Variants in KAT2A observed in about 807,000 individuals in gnomAD.
KAT2A encodes histone acetyltransferase KAT2A.
Under a neutral mutation model 95.2 loss-of-function variants are expected in KAT2A, and 42 were observed. That is an observed-to-expected ratio of 0.44 (90% CI 0.34 to 0.57). The LOEUF (loss-of-function observed/expected upper bound fraction) is 0.57, where lower values mean the gene tolerates loss of function less well. Among genes scored for constraint, KAT2A ranks in the 20% least tolerant of loss-of-function variants. KAT2A has a pLI of 0.01. For missense variants in KAT2A, 784 were observed against 1,126.3 expected (o/e 0.70, Z 4.35); for synonymous variants, 449 against 448.2 (o/e 1.00, Z -0.02).
chr17:42,114,527 G>A lies in KAT2A; in HGVS notation c.2097C>T (p.Gly699=), dbSNP rs782247027. The change falls in exon 14 of 18, where the codon GGC becomes GGT. Residue 699 remains glycine, a synonymous_variant. Transcript: ENST00000225916. The surrounding 1 kb of genome is among the most constrained non-coding windows in gnomAD (Gnocchi z 6.0). Reference sequence around the variant, plus strand: ...CGCTCTCCACAGGGATCTGCCTCACGCCCTCCTTGAAGCAGCTGAGCCCCG... The same window carrying A: ...CGCTCTCCACAGGGATCTGCCTCACACCCTCCTTGAAGCAGCTGAGCCCCG... ...VYPGLSCFKE[G]VRQIPVESVP... is the part of the protein sequence containing the mutation. The A allele has an allele frequency of 2.4e-5, 38 of 1,613,928 alleles. No individual in the cohort carries two copies. The East Asian group carries it at 4.5e-4, about 19-fold the overall frequency.
chr17:42,113,949 C>G, intron 17 of KAT2A, 51 bp downstream of exon 17: 1 of 1,482,908 alleles, frequency 6.7e-7, no homozygotes, highest in Non-Finnish European at 9.0e-7. Context: ...AGGGCAGGAG[C>G]AGGTGTGGGG....
chr17:42,119,831 C>G lies in KAT2A; in HGVS notation c.700-113G>C, dbSNP rs1053415822. The G allele has an allele frequency of 3.8e-6, 4 of 1,043,392 alleles. No homozygotes were observed. Among genetic ancestry groups the G allele is most frequent in the Admixed American group, 2.7e-5 (1 of 37,682 alleles). The allele number at this position is 1,043,392 out of a possible 1,614,324, so 64.6% of individuals were successfully genotyped here. A position where few individuals can be genotyped will look rare whatever the true frequency, so the allele number is the denominator to read the frequency against. On this transcript the variant is annotated intron_variant, in intron 4 of 17. Transcript: ENST00000225916. This position sits in a 1 kb window ranked among gnomAD's most constrained non-coding sequence, Gnocchi z 5.3. ...CCAGGGACAAGGTTCTCCTTCTCCT[C>G]TCTCTCTCGGGTGCTCTCTATAGAA...
chr17:42,114,482 C>G lies in KAT2A; in HGVS notation c.2134+8G>C. On this transcript the variant is annotated splice_region_variant and intron_variant, in intron 14 of 17. Transcript: ENST00000225916. The surrounding 1 kb of genome is among the most constrained non-coding windows in gnomAD (Gnocchi z 6.0). ...CCCCACTACCCTGCAACTGAGACCCCTGCTTACGAATGCCAGGAACGCTCT... is the reference window on the plus strand; with the variant it reads ...CCCCACTACCCTGCAACTGAGACCCGTGCTTACGAATGCCAGGAACGCTCT... 1 of 1,613,954 alleles carries G rather than the reference C, an allele frequency of 6.2e-7. No individual in the cohort carries two copies. Among genetic ancestry groups the G allele is most frequent in the Admixed American group, 1.7e-5 (1 of 60,022 alleles).
Position 42,115,801 on chromosome 17 carries a change from C to T in KAT2A, c.1797G>A (p.Lys599=), listed in dbSNP as rs2054249861. Residue 599 remains lysine (K), a synonymous_variant, in exon 12 of 18, where the codon AAG becomes AAA. Coordinates refer to ENST00000225916, the MANE Select transcript of KAT2A (RefSeq NM_021078.3). ...GAATGTTGTGCTTGATGTGATACTCCTTCAGGTGGTTCATCAGGTGGGTCC... is the reference window on the plus strand; with the variant it reads ...GAATGTTGTGCTTGATGTGATACTCTTTCAGGTGGTTCATCAGGTGGGTCC... ...GYGTHLMNHL[K]EYHIKHNILY... is the part of the protein sequence containing the mutation. 2 of 1,613,674 alleles carry T rather than the reference C, an allele frequency of 1.2e-6. No homozygotes were observed. Among genetic ancestry groups the T allele is most frequent in the South Asian group, 2.2e-5 (2 of 91,080 alleles).
In KAT2A at chr17:42,118,027, G is replaced by GAA; in HGVS notation, c.1181-11_1181-10insTT. On this transcript the variant is annotated splice_polypyrimidine_tract_variant and intron_variant, in intron 7 of 17. Coordinates refer to ENST00000225916, the MANE Select transcript of KAT2A (RefSeq NM_021078.3). The stretch of plus-strand genomic sequence containing the variant: ...GCTGCACTGACTGAAGCTGAGGAGA[G>GAA]AGAGAGACGTCAGGGATGGGGGGCT... 7.0e-7 allele frequency: 1 copy of GAA among 1,431,924 alleles called. No individual in the cohort carries two copies. The highest frequency in any genetic ancestry group is 9.5e-7 in the Non-Finnish European group (1 of 1,057,922). The allele number at this position is 1,431,924 out of a possible 1,614,324, so 88.7% of individuals were successfully genotyped here.
Position 42,114,847 on chromosome 17 carries a change from G to T in KAT2A, c.2019+45C>A. 2 of 1,604,010 alleles carry T rather than the reference G, an allele frequency of 1.2e-6. No individual in the cohort carries two copies. Among genetic ancestry groups the T allele is most frequent in the Admixed American group, 3.3e-5 (2 of 59,870 alleles). On this transcript the variant is annotated intron_variant, in intron 13 of 17. Transcript: ENST00000225916. The surrounding 1 kb of genome is among the most constrained non-coding windows in gnomAD (Gnocchi z 6.0). ...ACACACGTGTGCTCGCCCTCTGCAT[G>T]CCCATTCATGAAAAATCCCACAGAT...
At position 42,119,302 on chromosome 17, in the gene KAT2A, A is replaced by G; in HGVS notation, c.1016T>C (p.Val339Ala). 6.2e-7 allele frequency: 1 copy of G among 1,614,082 alleles called. No homozygotes were observed. The highest frequency in any genetic ancestry group is 1.7e-4 in the Middle Eastern group (1 of 6,060). Residue 339 changes from valine to alanine, a missense_variant, in exon 6 of 18, where the codon GTG (valine) becomes GCG (alanine). Coordinates refer to ENST00000225916, the MANE Select transcript of KAT2A (RefSeq NM_021078.3). The surrounding 1 kb of genome is among the most constrained non-coding windows in gnomAD (Gnocchi z 5.3). ...TRRQLLEKFR[V>A]EKDKLVPEKR... ...CTCGGGCACCAATTTGTCCTTCTCC[A>G]CTCGGAACTTTTCCAGCAGCTGCCG...
chr17:42,120,978 G>C lies in KAT2A; in HGVS notation c.327C>G (p.Phe109Leu). The C allele has an allele frequency of 6.3e-7, 1 of 1,586,614 alleles. No homozygotes were observed. Among genetic ancestry groups the C allele is most frequent in the Non-Finnish European group, 8.6e-7 (1 of 1,167,666 alleles). ...RAKKLEKLGV[F>L]SACKANETCK... ...GCCCCGCCCCCACCTTGCAAGCCGA[G>C]AAGACCCCTAGCTTCTCAAGCTTCT... Residue 109 changes from phenylalanine (F) to leucine (L), a missense_variant, in exon 1 of 18, where the codon TTC becomes TTG. Physicochemically the swap from Phe to Leu is conservative, Grantham distance 22 (BLOSUM62 0). Transcript: ENST00000225916.
Position 42,121,186 on chromosome 17 carries a change from G to A in KAT2A, c.119C>T (p.Pro40Leu). 1 of 1,383,114 alleles carries A rather than the reference G, an allele frequency of 7.2e-7. No individual in the cohort carries two copies. The highest frequency in any genetic ancestry group is 9.6e-7 in the Non-Finnish European group (1 of 1,041,376). 85.7% of individuals were successfully genotyped at this position (1,383,114 alleles called of 1,614,324 possible). The change falls in exon 1 of 18, where the codon CCG becomes CTG. Residue 40 changes from proline (P) to leucine (L), a missense_variant. Physicochemically the swap from Pro to Leu is moderately conservative, Grantham distance 98. Transcript: ENST00000225916. ...PAPSPASAPIPTPTPAPAPAP... is the reference protein window; with the variant it reads ...PAPSPASAPILTPTPAPAPAP... The stretch of plus-strand genomic sequence containing the variant: ...AGGGGCTGGTGCCGGGGTGGGAGTC[G>A]GAATCGGGGCTGAAGCCGGGCTGGG...
chr17:42,121,190 T>C lies in KAT2A; in HGVS notation c.115A>G (p.Ile39Val), dbSNP rs2054333846. ...GCTGGTGCCGGGGTGGGAGTCGGAA[T>C]CGGGGCTGAAGCCGGGCTGGGTGCA... ...TPAPSPASAPIPTPTPAPAPA... is the reference protein window; with the variant it reads ...TPAPSPASAPVPTPTPAPAPA... Residue 39 changes from isoleucine to valine, a missense_variant, in exon 1 of 18, where the codon ATT (isoleucine) becomes GTT (valine). Ile to Val is a conservative substitution (Grantham distance 29, BLOSUM62 3). Transcript: ENST00000225916. 7.3e-7 allele frequency: 1 copy of C among 1,377,264 alleles called. No homozygotes were observed. 85.3% of individuals were successfully genotyped at this position (1,377,264 alleles called of 1,614,324 possible).
chr17:42,120,925 T>C (rs782528794), intron 1 of KAT2A, 41 bp downstream of exon 1: 20 of 1,553,842 alleles, frequency 1.3e-5, no homozygotes, highest in Non-Finnish European at 1.6e-5. Flanking sequence ...AGCCCTGGGA[T>C]GCCCCAAGCC....
Position 42,118,021 on chromosome 17 carries a change from A to AT in KAT2A, c.1181-5_1181-4insA. ...ACAACCGCTGCACTGACTGAAGCTG[A>AT]GGAGAGAGAGAGACGTCAGGGATGG... On this transcript the variant is annotated splice_region_variant and splice_polypyrimidine_tract_variant and intron_variant, in intron 7 of 17. Transcript: ENST00000225916. The AT allele has an allele frequency of 7.1e-7, 1 of 1,409,892 alleles. No homozygotes were observed. Among genetic ancestry groups the AT allele is most frequent in the Non-Finnish European group, 9.5e-7 (1 of 1,056,922 alleles). The allele number at this position is 1,409,892 out of a possible 1,614,324, so 87.3% of individuals were successfully genotyped here.
In KAT2A at chr17:42,113,825, C is replaced by A; in HGVS notation, c.2338G>T (p.Glu780Ter). The change falls in exon 18 of 18, where the codon GAG becomes TAG. Residue 780 changes from glutamate (E) to a stop codon, truncating the protein, a stop_gained. Transcript: ENST00000225916. LOFTEE classifies it high-confidence loss of function. Reference protein sequence around the residue: ...RFPIDLKTMTERLRSRYYVTR... With the variant: ...RFPIDLKTMT ...ACGTAGTAGCGGCTTCGCAGCCGCT[C>A]AGTCATGGTCTTCAGGTCTGGGGCA... 1 of 1,593,752 alleles carries A rather than the reference C, an allele frequency of 6.3e-7. No homozygotes were observed. Among genetic ancestry groups the A allele is most frequent in the South Asian group, 1.1e-5 (1 of 89,172 alleles).
chr17:42,114,914 T>C lies in KAT2A; in HGVS notation c.1997A>G (p.His666Arg). 6.2e-7 allele frequency: 1 copy of C among 1,614,094 alleles called. No homozygotes were observed. ...NPRIPYTELS[H>R]IIKKQKEIIK... is the part of the protein sequence containing the mutation. ...CACCTCTTTCTGCTTCTTGATGATGTGGGACAGCTCCGTGTAGGGGATGCG... is the reference window on the plus strand; with the variant it reads ...CACCTCTTTCTGCTTCTTGATGATGCGGGACAGCTCCGTGTAGGGGATGCG... Residue 666 changes from histidine to arginine, a missense_variant, in exon 13 of 18, where the codon CAC (histidine) becomes CGC (arginine). Around this residue, in one of 6 missense-constraint regions of KAT2A, gnomAD observed 195 missense variants for 247.1 expected, o/e 0.79. Transcript: ENST00000225916. This position sits in a 1 kb window ranked among gnomAD's most constrained non-coding sequence, Gnocchi z 6.0.
At chr17:42,115,955 G>A (rs1159434228) in intron 11 of KAT2A, 122 bp from the exon 12 acceptor site, 12 of 708,096 alleles carry the variant, frequency 1.7e-5, no homozygotes, top group Non-Finnish European at 3.1e-5. Flanking sequence ...GAGCATCCAG[G>A]CAAAGAGGAA....
chr17:42,119,804 G>C lies in KAT2A; in HGVS notation c.700-86C>G. On this transcript the variant is annotated intron_variant, in intron 4 of 17. Coordinates refer to ENST00000225916, the MANE Select transcript of KAT2A (RefSeq NM_021078.3). This position sits in a 1 kb window ranked among gnomAD's most constrained non-coding sequence, Gnocchi z 5.3. ...TCTTAGACAAAGGAAGATGCTCCCT[G>C]GCCAGGGACAAGGTTCTCCTTCTCC... The C allele has an allele frequency of 8.2e-7, 1 of 1,226,662 alleles. No individual in the cohort carries two copies. The highest frequency in any genetic ancestry group is 1.5e-5 in the South Asian group (1 of 67,272). The allele number at this position is 1,226,662 out of a possible 1,614,324, so 76.0% of individuals were successfully genotyped here.
intron 11 of KAT2A, among the ~76,000 whole-genome samples, chr17:42,116,710 G>C (rs1052893392): frequency 3.3e-5 from 5 of 152,184 alleles, no homozygotes; most frequent in Admixed American, 6.5e-5. Flanking sequence ...CTGGGTGAGA[G>C]AGACCCTCTT....
chr17:42,116,898 G>A, intron 11 of KAT2A, 137 bp downstream of exon 11: 1 of 1,055,768 alleles, frequency 9.5e-7, no homozygotes, highest in Non-Finnish European at 1.4e-6. Flanking sequence ...CTGCCACCTT[G>A]TGGGGATGTG....
In KAT2A at chr17:42,119,467, G is replaced by A; in HGVS notation, c.882-31C>T. The A allele has an allele frequency of 1.9e-6, 3 of 1,593,474 alleles. No homozygotes were observed. The highest frequency in any genetic ancestry group is 2.6e-6 in the Non-Finnish European group (3 of 1,166,514). ...GTAGGGGGTCGAGGGGGAGACAGGT[G>A]AGGGCGGAAACCACTGAACCCAGGC... On this transcript the variant is annotated intron_variant, in intron 5 of 17. Coordinates refer to ENST00000225916, the MANE Select transcript of KAT2A (RefSeq NM_021078.3). This position sits in a 1 kb window ranked among gnomAD's most constrained non-coding sequence, Gnocchi z 5.3.
Sources: gnomAD v4.1 joint callset for allele counts (sites outside exome capture counted in the v4.1 genomes callset) on GRCh38, gnomAD v4.1.1 for gene constraint, gnomAD v4.1.1 regional missense constraint, Gnocchi (gnomAD v3.1) non-coding constraint, MANE v1.5 for transcripts, NCBI Gene and HGNC (gene_info 2026-07-23, HGNC 2026-07-21) for gene names.